ACSS3: variants seen among roughly 807,000 people sequenced by gnomAD.
The protein encoded by ACSS3 is acyl-CoA synthetase short chain family member 3.
Under a neutral mutation model 84.2 loss-of-function variants are expected in ACSS3, and 64 were observed. The observed-to-expected ratio is 0.76, with a 90% confidence interval of 0.62 to 0.94. The LOEUF is 0.94. Ranked by LOEUF, ACSS3 falls within the 40% of genes least tolerant of loss-of-function variation. ACSS3 has a pLI of 0.00. For missense variants in ACSS3, 815 were observed against 867.6 expected (o/e 0.94, Z 0.76); for synonymous variants, 317 against 310.1 (o/e 1.02, Z -0.23).
intron 11 of ACSS3, among the ~76,000 whole-genome samples, chr12:81,226,405 C>T (rs763557556): frequency 1.3e-4 from 19 of 151,604 alleles, no homozygotes; most frequent in Non-Finnish European, 2.2e-4. Context: ...ACTCTCTCCA[C>T]GAATCATCTC....
At chr12:81,137,453 G>C (rs1376733834) in intron 3 of ACSS3, among the ~76,000 whole-genome samples, 6 of 151,954 alleles carry the variant, frequency 3.9e-5, no homozygotes, top group Non-Finnish European at 8.8e-5. Flanking sequence ...AGAGAAGATG[G>C]AGATATATAT....
chr12:81,160,846 C>G (rs1286831410), intron 7 of ACSS3, among the ~76,000 whole-genome samples: 1 of 152,080 alleles, frequency 6.6e-6, no homozygotes, highest in Non-Finnish European at 1.5e-5. Context: ...ATTTCTGACA[C>G]TTCTGTTTAT....
intron 1 of ACSS3, among the ~76,000 whole-genome samples, chr12:81,085,496 C>G (rs1271036280): frequency 6.6e-6 from 1 of 152,152 alleles, no homozygotes; most frequent in Non-Finnish European, 1.5e-5. Flanking sequence ...CATGCCTTTT[C>G]TACATATGAG....
intron 4 of ACSS3, 93 bp downstream of exon 4, chr12:81,139,358 G>A (rs1885967596): frequency 1.4e-6 from 2 of 1,399,330 alleles, no homozygotes; most frequent in Non-Finnish European, 2.0e-6. Flanking sequence ...TGATTTATAA[G>A]CTATTAAGTA....
intron 8 of ACSS3, among the ~76,000 whole-genome samples, chr12:81,177,737 A>G (rs1240541154): frequency 6.6e-6 from 1 of 152,230 alleles, no homozygotes; most frequent in African/African-American, 2.4e-5. Flanking sequence ...TGGCCATCAG[A>G]GAAATGGAAA....
chr12:81,195,862 A>C (rs899765074), intron 8 of ACSS3, among the ~76,000 whole-genome samples: 1 of 152,134 alleles, frequency 6.6e-6, no homozygotes, highest in Non-Finnish European at 1.5e-5. Context: ...TATTGTGCTA[A>C]AGAACTGCTC....
chr12:81,078,542 T>C, intron 1 of ACSS3, 111 bp downstream of exon 1: 2 of 1,212,234 alleles, frequency 1.6e-6, no homozygotes, highest in Non-Finnish European at 2.3e-6. Context: ...AAATTGAAAC[T>C]GGAGATGTGT....
intron 9 of ACSS3, among the ~76,000 whole-genome samples, chr12:81,204,744 T>C (rs556259758): frequency 1.3e-5 from 2 of 152,284 alleles, no homozygotes; most frequent in South Asian, 2.1e-4. Flanking sequence ...AGAGCTTATA[T>C]TGAAAGTGTT....
At chr12:81,093,566 G>A (rs959928637) in intron 1 of ACSS3, among the ~76,000 whole-genome samples, 8 of 150,734 alleles carry the variant, frequency 5.3e-5, no homozygotes, top group Non-Finnish European at 7.4e-5. Flanking sequence ...ATGCAGGAAA[G>A]TCAAATATCT....
At chr12:81,138,129 A>G (rs1225437566) in intron 3 of ACSS3, among the ~76,000 whole-genome samples, 5 of 152,362 alleles carry the variant, frequency 3.3e-5, no homozygotes, top group African/African-American at 7.2e-5. Context: ...ATTCAGGAAT[A>G]CATGCAATAC....
At chr12:81,220,601 C>T (rs912872120) in intron 11 of ACSS3, among the ~76,000 whole-genome samples, 1 of 151,966 alleles carries the variant, frequency 6.6e-6, no homozygotes, top group Non-Finnish European at 1.5e-5. Context: ...CTCCCTCACA[C>T]CTTTTGGACT....
chr12:81,116,962 T>G (rs1278052015), intron 2 of ACSS3, among the ~76,000 whole-genome samples: 1 of 152,170 alleles, frequency 6.6e-6, no homozygotes. Context: ...GCTGTCTCAT[T>G]TAAAGCCCTG....
chr12:81,124,919 A>G (rs1884948541), intron 2 of ACSS3, among the ~76,000 whole-genome samples: 1 of 152,232 alleles, frequency 6.6e-6, no homozygotes, highest in Non-Finnish European at 1.5e-5. Flanking sequence ...TTCTCTTAAA[A>G]GCATGCATAA....
At chr12:81,127,023 C>G (rs947752865) in intron 2 of ACSS3, among the ~76,000 whole-genome samples, 2 of 151,630 alleles carry the variant, frequency 1.3e-5, no homozygotes, top group Non-Finnish European at 3.0e-5. Flanking sequence ...AAGTATTCCT[C>G]TGTGTTTTAG....
intron 11 of ACSS3, 129 bp from the exon 12 acceptor site, chr12:81,230,928 T>C: frequency 2.7e-6 from 2 of 730,692 alleles, no homozygotes; most frequent in South Asian, 3.3e-5. Context: ...GTCCAGCAGA[T>C]TTAGGGGTTA....
At chr12:81,241,433 C>T (rs1304215673) in intron 13 of ACSS3, among the ~76,000 whole-genome samples, 7 of 152,232 alleles carry the variant, frequency 4.6e-5, no homozygotes, top group Middle Eastern at 3.4e-3. Context: ...AATGGTTGAA[C>T]TAGTTTACAG....
intron 9 of ACSS3, among the ~76,000 whole-genome samples, chr12:81,206,027 C>T (rs2032332307): frequency 6.6e-6 from 1 of 152,060 alleles, no homozygotes; most frequent in South Asian, 2.1e-4. Flanking sequence ...AGGACTCCAT[C>T]TTGATTTAAA....
intron 11 of ACSS3, among the ~76,000 whole-genome samples, chr12:81,230,295 A>G (rs2033414820): frequency 6.6e-6 from 1 of 151,890 alleles, no homozygotes; most frequent in Non-Finnish European, 1.5e-5. Context: ...AGGAACAAAT[A>G]TGAGAATTTC....
chr12:81,214,706 C>T (rs2032835916), intron 9 of ACSS3, among the ~76,000 whole-genome samples: 2 of 152,202 alleles, frequency 1.3e-5, no homozygotes, highest in South Asian at 4.1e-4. Context: ...CTCTCACCTT[C>T]TTTTCCTACA....
Sources: allele counts gnomAD v4.1 joint callset (sites outside exome capture counted in the v4.1 genomes callset), GRCh38; gene constraint gnomAD v4.1.1; transcripts MANE v1.5; gene names NCBI Gene and HGNC (gene_info 2026-07-23, HGNC 2026-07-21).